CDK5RAP2: variants seen among roughly 807,000 people sequenced by gnomAD.
The protein encoded by CDK5RAP2 is CDK5 regulatory subunit-associated protein 2.
In CDK5RAP2, 147 loss-of-function variants were observed where a neutral mutation model predicts 232.9. The observed-to-expected ratio is 0.63, with a 90% CI of 0.55 to 0.72. The LOEUF (loss-of-function observed/expected upper bound fraction) is 0.72. Among genes scored for constraint, CDK5RAP2 ranks in the 30% least tolerant of loss-of-function variants. The pLI is 0.00. For missense variants in CDK5RAP2, 2,195 were observed against 2,231.5 expected (o/e 0.98, Z 0.33); for synonymous variants, 833 against 833.7 (o/e 1.00, Z 0.01).
chr9:120,576,597 G>C (rs1384174868), intron 1 of CDK5RAP2, among the ~76,000 whole-genome samples: 1 of 152,136 alleles, frequency 6.6e-6, no homozygotes, highest in Non-Finnish European at 1.5e-5. Flanking sequence ...AGCTACTTGG[G>C]AGGCTGAGGC....
chr9:120,485,239 A>T (rs1374087599), intron 14 of CDK5RAP2, among the ~76,000 whole-genome samples: 2 of 152,188 alleles, frequency 1.3e-5, no homozygotes, highest in Non-Finnish European at 2.9e-5. Context: ...ATTAGATTTT[A>T]AAATACCCAA....
At chr9:120,521,701 A>G (rs1474398614) in intron 11 of CDK5RAP2, among the ~76,000 whole-genome samples, 3 of 137,010 alleles carry the variant, frequency 2.2e-5, no homozygotes, top group Non-Finnish European at 3.0e-5. Context: ...GCTGGAGTGC[A>G]GTGGCGCGAT....
chr9:120,538,207 A>G (rs2041478270), intron 6 of CDK5RAP2, among the ~76,000 whole-genome samples: 2 of 152,222 alleles, frequency 1.3e-5, no homozygotes, highest in Non-Finnish European at 2.9e-5. Context: ...AAGGGCTGAT[A>G]TGAACATCAT....
At chr9:120,507,321 T>G (rs1044772336) in intron 12 of CDK5RAP2, among the ~76,000 whole-genome samples, 1 of 152,356 alleles carries the variant, frequency 6.6e-6, no homozygotes, top group East Asian at 1.9e-4. Context: ...GAGGGACGTC[T>G]GTACCTTAAT....
At chr9:120,533,968 C>A (rs1438160872) in intron 7 of CDK5RAP2, among the ~76,000 whole-genome samples, 2 of 152,108 alleles carry the variant, frequency 1.3e-5, no homozygotes, top group Non-Finnish European at 2.9e-5. Flanking sequence ...ACTTTGGTCA[C>A]CATCAGCTCT....
rs535929371 is a variant in CDK5RAP2, at chr9:120,451,528, C to A, written c.2793+1928G>T. On this transcript the variant is annotated intron_variant, in intron 21 of 37. Coordinates refer to ENST00000349780, the MANE Select transcript of CDK5RAP2 (RefSeq NM_018249.6). ...TCCTTTTAACAGGATATCAGAGTAT[C>A]CTATTAAAAGAGGTAAGCCATAGGA... 3.9e-5 allele frequency among the ~76,000 whole-genome samples: 6 copies of A among 152,178 alleles called. No individual in the cohort carries two copies. The East Asian group carries it at 1.2e-3, about 29-fold the overall frequency.
At chr9:120,466,125 C>T (rs1331065546) in intron 18 of CDK5RAP2, among the ~76,000 whole-genome samples, 48 of 152,290 alleles carry the variant, frequency 3.2e-4, no homozygotes, top group Non-Finnish European at 2.6e-4. Flanking sequence ...CCCTCCTTTT[C>T]TGATTTATAG....
intron 2 of CDK5RAP2, among the ~76,000 whole-genome samples, chr9:120,569,346 C>T (rs904999357): frequency 6.6e-6 from 1 of 152,096 alleles, no homozygotes; most frequent in African/African-American, 2.4e-5. Flanking sequence ...AACAAAAGGA[C>T]AACTGCATAA....
At chr9:120,420,274 C>T (rs1471730151) in intron 26 of CDK5RAP2, among the ~76,000 whole-genome samples, 1 of 152,170 alleles carries the variant, frequency 6.6e-6, no homozygotes, top group Admixed American at 6.5e-5. Context: ...CTATACCAAG[C>T]ATTTGAGATT....
At chr9:120,535,957 C>T (rs1318166284) in intron 7 of CDK5RAP2, among the ~76,000 whole-genome samples, 2 of 152,174 alleles carry the variant, frequency 1.3e-5, no homozygotes, top group Non-Finnish European at 2.9e-5. Flanking sequence ...TTGGGAAGAA[C>T]CACAAGAGAA....
intron 5 of CDK5RAP2, among the ~76,000 whole-genome samples, chr9:120,543,248 C>G (rs1244199998): frequency 6.6e-6 from 1 of 152,198 alleles, no homozygotes; most frequent in East Asian, 1.9e-4. Context: ...AGCTTCCTGA[C>G]TGGTCGCCCA....
intron 22 of CDK5RAP2, among the ~76,000 whole-genome samples, chr9:120,446,446 G>A (rs982195933): frequency 6.6e-6 from 1 of 152,024 alleles, no homozygotes; most frequent in African/African-American, 2.4e-5. Context: ...AGCTGGTCTC[G>A]AACTCCTGAC....
intron 16 of CDK5RAP2, 142 bp from the exon 17 acceptor site, chr9:120,470,362 CAG>C (rs1229567815): frequency 1.8e-6 from 1 of 569,032 alleles, no homozygotes; most frequent in African/African-American, 1.9e-5. Flanking sequence ...GCATAGTACA[CAG>C]AGGGGGCTTA....
chr9:120,467,486 G>T (rs948167466), intron 18 of CDK5RAP2, among the ~76,000 whole-genome samples: 4 of 152,028 alleles, frequency 2.6e-5, no homozygotes, highest in African/African-American at 9.7e-5. Context: ...ACAACAAAGG[G>T]AATTTCAGTT....
intron 1 of CDK5RAP2, among the ~76,000 whole-genome samples, chr9:120,574,824 T>A (rs2042972131): frequency 1.4e-5 from 2 of 140,538 alleles, no homozygotes; most frequent in African/African-American, 5.4e-5. Flanking sequence ...ATGTTGCCTT[T>A]TTTTTTTTTT....
intron 25 of CDK5RAP2, among the ~76,000 whole-genome samples, chr9:120,427,240 A>G (rs1372539920): frequency 6.6e-6 from 1 of 152,214 alleles, no homozygotes; most frequent in Non-Finnish European, 1.5e-5. Flanking sequence ...CATAAAATAC[A>G]CTAACAATAG....
chr9:120,530,593 A>C (rs928305997), intron 7 of CDK5RAP2, among the ~76,000 whole-genome samples: 3 of 152,212 alleles, frequency 2.0e-5, no homozygotes, highest in Non-Finnish European at 4.4e-5. Flanking sequence ...CTGACTTTCA[A>C]GATAAAACCA....
intron 4 of CDK5RAP2, among the ~76,000 whole-genome samples, 171 bp from the exon 5 acceptor site, chr9:120,545,961 T>A (rs182945433): frequency 6.6e-6 from 1 of 152,368 alleles, no homozygotes; most frequent in East Asian, 1.9e-4. Flanking sequence ...AAGGGAATTA[T>A]TAAACACTGG....
At chr9:120,446,526 T>C (rs1305675171) in intron 22 of CDK5RAP2, among the ~76,000 whole-genome samples, 1 of 152,194 alleles carries the variant, frequency 6.6e-6, no homozygotes, top group African/African-American at 2.4e-5. Context: ...GCACTCGGCC[T>C]GTCAACTCCC....
Sources: allele counts gnomAD v4.1 joint callset (sites outside exome capture counted in the v4.1 genomes callset), GRCh38; gene constraint gnomAD v4.1.1; transcripts MANE v1.5; gene names NCBI Gene and HGNC (gene_info 2026-07-23, HGNC 2026-07-21).